TGM3: variants seen among roughly 807,000 people sequenced by gnomAD.
TGM3 encodes the protein protein-glutamine gamma-glutamyltransferase E.
Under a neutral mutation model 73.8 loss-of-function variants are expected in TGM3, and 52 were observed. The observed-to-expected ratio is 0.70, with a 90% confidence interval of 0.56 to 0.89. TGM3 has a LOEUF of 0.89. Ranked by LOEUF, TGM3 falls within the 40% of genes least tolerant of loss-of-function variation. The pLI is 0.00. For synonymous variants in TGM3, 372 were observed against 354.9 expected (o/e 1.05, Z -0.54); for missense variants, 928 against 909.9 (o/e 1.02, Z -0.26).
At chr20:2,330,725 G>A (rs776112001) in intron 9 of TGM3, among the ~76,000 whole-genome samples, 6 of 152,174 alleles carry the variant, frequency 3.9e-5, no homozygotes, top group Non-Finnish European at 5.9e-5. Flanking sequence ...AGTCATCTGG[G>A]CCAGGTGAAG....
At chr20:2,327,507 T>C (rs966389909) in intron 8 of TGM3, among the ~76,000 whole-genome samples, 4 of 152,048 alleles carry the variant, frequency 2.6e-5, no homozygotes, top group Admixed American at 1.3e-4. Flanking sequence ...AAAAAAGATA[T>C]AGTTAGACTA....
chr20:2,326,080 G>A, intron 8 of TGM3, 128 bp downstream of exon 8: 1 of 932,792 alleles, frequency 1.1e-6, no homozygotes, highest in Non-Finnish European at 1.6e-6. Flanking sequence ...AACAAAAATA[G>A]TTTAAAAATA....
Position 2,298,546 on chromosome 20 carries a change from G to A in TGM3, c.7+2476G>A, listed in dbSNP as rs45505199. Among the ~76,000 whole-genome samples, 169 of 152,274 alleles carry A rather than the reference G, an allele frequency of 1.1e-3. 2 individuals are homozygous for A. Among genetic ancestry groups the A allele is most frequent in the Admixed American group, 0.01 (155 of 15,300 alleles). On this transcript the variant is annotated intron_variant, in intron 1 of 12. Transcript: ENST00000381458. ...AGCTTTCTTGCCAACTACTTTTCCA[G>A]GCAGAGCACTGGCCTTGGCTTCAGG...
At chr20:2,312,280 A>G (rs577697498) in intron 4 of TGM3, among the ~76,000 whole-genome samples, 19 of 151,414 alleles carry the variant, frequency 1.3e-4, no homozygotes, top group Non-Finnish European at 2.9e-5. Flanking sequence ...CGGGCCTGTA[A>G]TCCCAGCTAC....
Position 2,340,669 on chromosome 20 carries a change from G to A in TGM3, c.*88G>A. 6.4e-7 allele frequency: 1 copy of A among 1,558,908 alleles called. No individual in the cohort carries two copies. Reference sequence around the variant, plus strand: ...ATGAACCCCCCGCCCATGCTGTCCGGCCTGGGAAACCCTCTCCATCTCCCA... The same window carrying A: ...ATGAACCCCCCGCCCATGCTGTCCGACCTGGGAAACCCTCTCCATCTCCCA... On this transcript the variant is annotated 3_prime_UTR_variant, in exon 13 of 13. Coordinates refer to ENST00000381458, the MANE Select transcript of TGM3 (RefSeq NM_003245.4).
intron 4 of TGM3, 83 bp from the exon 5 acceptor site, chr20:2,312,815 G>C: frequency 6.4e-7 from 1 of 1,568,304 alleles, no homozygotes; most frequent in Non-Finnish European, 8.7e-7. Flanking sequence ...TAGTTCCTGT[G>C]GTTCTTGCCA....
At chr20:2,323,773 T>C (rs1213181539) in intron 7 of TGM3, among the ~76,000 whole-genome samples, 2 of 152,264 alleles carry the variant, frequency 1.3e-5, no homozygotes, top group Non-Finnish European at 2.9e-5. Flanking sequence ...CATCTATGTA[T>C]CTCTGTCATG....
At chr20:2,335,302 GGGTT>G in intron 11 of TGM3, 29 bp downstream of exon 11, 1 of 1,612,560 alleles carries the variant, frequency 6.2e-7, no homozygotes, top group Non-Finnish European at 8.5e-7. Flanking sequence ...CTGTGGGAAG[GGGTT>G]CTGCCCCCAG....
chr20:2,315,336 T>C (rs1286267101), intron 5 of TGM3, among the ~76,000 whole-genome samples: 1 of 152,230 alleles, frequency 6.6e-6, no homozygotes, highest in Non-Finnish European at 1.5e-5. Flanking sequence ...CAGCCAGAGA[T>C]GACCGTGCTG....
chr20:2,317,310 T>A (rs200046805), intron 6 of TGM3, 40 bp from the exon 7 acceptor site: 150 of 1,614,056 alleles, frequency 9.3e-5, no homozygotes, highest in Non-Finnish European at 8.6e-5. Context: ...CAAGGTACCA[T>A]CTCCACCACC....
chr20:2,329,550 G>T (rs2084308120), intron 9 of TGM3, among the ~76,000 whole-genome samples: 1 of 152,102 alleles, frequency 6.6e-6, no homozygotes, highest in African/African-American at 2.4e-5. Flanking sequence ...TGGGCCTTGG[G>T]GATGCAACAG....
chr20:2,297,142 C>CT (rs999920411), intron 1 of TGM3, among the ~76,000 whole-genome samples: 74 of 152,360 alleles, frequency 4.9e-4, no homozygotes, highest in African/African-American at 1.7e-3. Flanking sequence ...TCTAGCCCAT[C>CT]TCCCTCCCTC....
Position 2,341,071 on chromosome 20 carries a change from G to C in TGM3, c.*490G>C. 1 of 402,046 alleles carries C rather than the reference G, an allele frequency of 2.5e-6. No homozygotes were observed. The allele number at this position is 402,046 out of a possible 1,614,324, so 24.9% of individuals were successfully genotyped here. ...CTCAAAATAAATGTTAAATAAGTGC[G>C]ATCACACAGCACCGACTCTACCTGA... On this transcript the variant is annotated 3_prime_UTR_variant, in exon 13 of 13. Transcript: ENST00000381458.
Position 2,303,300 on chromosome 20 carries a change from C to CA in TGM3, c.8-6348dup, listed in dbSNP as rs1166036880. ...TGGGCGACAGAGGGAGACTCCATCT[C>CA]AAAAAAAAAGAAAAGAAAAAAAAGA... is the stretch of plus-strand genomic sequence containing the variant. On this transcript the variant is annotated intron_variant, in intron 1 of 12. Coordinates refer to ENST00000381458, the MANE Select transcript of TGM3 (RefSeq NM_003245.4). Among the ~76,000 whole-genome samples, 10 of 145,850 alleles carry CA rather than the reference C, an allele frequency of 6.9e-5. No individual in the cohort carries two copies. In the South Asian group the frequency reaches 1.3e-3, roughly 19 times the overall value.
chr20:2,309,789 G>A lies in TGM3; in HGVS notation c.140G>A (p.Gly47Asp), dbSNP rs779024382. The A allele has an allele frequency of 6.2e-7, 1 of 1,614,076 alleles. No individual in the cohort carries two copies. The highest frequency in any genetic ancestry group is 2.2e-5 in the East Asian group (1 of 44,892). The part of the protein sequence containing the change: ...NFQVLMIMNK[G>D]LGSNERLEFI... Reference sequence around the variant, plus strand: ...CAGGTCTTAATGATCATGAACAAAGGCCTTGGCTCTAACGAAAGACTGGAG... The same window carrying A: ...CAGGTCTTAATGATCATGAACAAAGACCTTGGCTCTAACGAAAGACTGGAG... The change falls in exon 2 of 13, where the codon GGC becomes GAC. Residue 47 changes from glycine to aspartate, a missense_variant. By Grantham distance (94) the Gly-to-Asp change is moderately conservative. Transcript: ENST00000381458.
intron 4 of TGM3, 95 bp from the exon 5 acceptor site, chr20:2,312,803 G>A (rs982292175): frequency 7.9e-6 from 12 of 1,517,480 alleles, no homozygotes; most frequent in Middle Eastern, 1.7e-4. Context: ...CAAAGGATCT[G>A]ATAGTTCCTG....
intron 3 of TGM3, 121 bp downstream of exon 3, chr20:2,310,538 G>A (rs1035031899): frequency 2.6e-5 from 39 of 1,475,578 alleles, no homozygotes; most frequent in Non-Finnish European, 3.4e-5. Flanking sequence ...CTGTGGAAAG[G>A]GCGCAGAAGC....
intron 11 of TGM3, among the ~76,000 whole-genome samples, chr20:2,338,210 A>G (rs2084362031): frequency 1.3e-5 from 2 of 152,230 alleles, no homozygotes; most frequent in Admixed American, 1.3e-4. Context: ...AAACAATCTG[A>G]ACATTGTTTC....
rs759172144 is a variant in TGM3, at chr20:2,332,530, C to T, written c.1642+220C>T. On this transcript the variant is annotated intron_variant, in intron 10 of 12. Transcript: ENST00000381458. This position sits in a 1 kb window ranked among gnomAD's most constrained non-coding sequence, Gnocchi z 4.4. Reference sequence around the variant, plus strand: ...GGTGGTGCCAACCAAAATCCTTTTACGCCCCAAGGGAGGAAGGAGGGAGGC... The same window carrying T: ...GGTGGTGCCAACCAAAATCCTTTTATGCCCCAAGGGAGGAAGGAGGGAGGC... 8.5e-5 allele frequency among the ~76,000 whole-genome samples: 13 copies of T among 152,156 alleles called. No homozygotes were observed. Among genetic ancestry groups the T allele is most frequent in the South Asian group, 2.1e-4 (1 of 4,826 alleles).
Sources: allele counts gnomAD v4.1 joint callset (sites outside exome capture counted in the v4.1 genomes callset), GRCh38; gene constraint gnomAD v4.1.1; non-coding constraint Gnocchi (gnomAD v3.1); transcripts MANE v1.5; gene names NCBI Gene and HGNC (gene_info 2026-07-23, HGNC 2026-07-21).